Variants in SOX5 observed in about 807,000 individuals in gnomAD.
SOX5 encodes the protein SRY-box transcription factor 5.
A neutral mutation model predicts 92.0 loss-of-function variants in SOX5; 9 were observed. The ratio of observed to expected loss-of-function variants is 0.10; its 90% CI spans 0.06 to 0.17. The LOEUF (loss-of-function observed/expected upper bound fraction) is 0.17, where lower values mean the gene tolerates loss of function less well. Ranked by LOEUF, SOX5 falls within the 10% of genes least tolerant of loss-of-function variation. SOX5 has a pLI of 1.00. For missense variants in SOX5, 642 were observed against 944.5 expected (o/e 0.68, Z 4.20); for synonymous variants, 344 against 336.3 (o/e 1.02, Z -0.25).
In SOX5 at chr12:23,533,303, G is replaced by GTC. The variant is rs148266789; in HGVS notation, c.*914_*915dup. 1,063 of 363,796 alleles carry GTC rather than the reference G, an allele frequency of 2.9e-3. No individual in the cohort carries two copies. Among genetic ancestry groups the GTC allele is most frequent in the Non-Finnish European group, 4.1e-3 (702 of 172,472 alleles). 22.5% of individuals were successfully genotyped at this position (363,796 alleles called of 1,614,324 possible). A position where few individuals can be genotyped will look rare whatever the true frequency, so the allele number is the denominator to read the frequency against. On this transcript the variant is annotated 3_prime_UTR_variant, in exon 15 of 15. Transcript: ENST00000451604. The stretch of plus-strand genomic sequence containing the variant: ...AAATATTTTTCTCTAAATTTCTTAT[G>GTC]TCTCTCTCTCTCTCTCTCTTTTCAC...
intron 2 of SOX5, among the ~76,000 whole-genome samples, chr12:24,325,071 G>A (rs1388467665): frequency 1.3e-5 from 2 of 151,776 alleles, no homozygotes; most frequent in Non-Finnish European, 2.9e-5. Flanking sequence ...TCCAGGTCTA[G>A]CACAGACATA....
intron 9 of SOX5, among the ~76,000 whole-genome samples, chr12:23,585,169 A>G (rs1485741165): frequency 6.6e-6 from 1 of 152,198 alleles, no homozygotes; most frequent in East Asian, 1.9e-4. Flanking sequence ...ACTTGTGAAT[A>G]ACAGAATAGG....
chr12:24,412,486 T>C (rs1014507394), intron 1 of SOX5, among the ~76,000 whole-genome samples: 3 of 152,128 alleles, frequency 2.0e-5, no homozygotes, highest in African/African-American at 7.2e-5. Context: ...TCTATTTTTA[T>C]TGTCATTCAG....
intron 2 of SOX5, among the ~76,000 whole-genome samples, chr12:24,335,978 T>TC (rs1371501756): frequency 7.1e-6 from 1 of 140,212 alleles, no homozygotes; most frequent in African/African-American, 2.6e-5. Context: ...CTATCATATA[T>TC]ATATATATAT....
intron 4 of SOX5, among the ~76,000 whole-genome samples, chr12:24,000,468 A>C (rs567278560): frequency 6.6e-6 from 1 of 152,064 alleles, no homozygotes; most frequent in African/African-American, 2.4e-5. Context: ...TAAAAAAATT[A>C]GGTTAGTATC....
At chr12:23,748,318 T>G (rs1237927212) in intron 4 of SOX5, among the ~76,000 whole-genome samples, 3 of 152,032 alleles carry the variant, frequency 2.0e-5, no homozygotes, top group African/African-American at 7.2e-5. Flanking sequence ...ATAAATAAAC[T>G]TAAGAACAAA....
chr12:24,245,073 C>T (rs1311287922), intron 3 of SOX5, among the ~76,000 whole-genome samples: 1 of 152,076 alleles, frequency 6.6e-6, no homozygotes, highest in African/African-American at 2.4e-5. Context: ...GTGAAATCCT[C>T]CCATTAGAGG....
chr12:23,683,794 A>G lies in SOX5; in HGVS notation c.811-18230T>C, dbSNP rs897773488. ...CTGCTGACAGTTTTCTTAATCAATC[A>G]TCCTCTGCACTAACCCTAACACCCC... is the stretch of plus-strand genomic sequence containing the variant. On this transcript the variant is annotated intron_variant, in intron 6 of 14. Transcript: ENST00000451604. Among the ~76,000 whole-genome samples the G allele has an allele frequency of 3.3e-5, 5 of 152,044 alleles. No homozygotes were observed. The South Asian group carries it at 1.0e-3, about 31-fold the overall frequency.
chr12:23,748,186 G>A (rs4285971), intron 4 of SOX5, among the ~76,000 whole-genome samples: 149,374 of 152,050 alleles, frequency 0.98, 73,399 homozygotes, highest in East Asian at 1. Flanking sequence ...AAGCTTTATG[G>A]TAATAGGACA....
At chr12:23,548,539 A>G (rs1163778057) in intron 11 of SOX5, among the ~76,000 whole-genome samples, 5 of 152,056 alleles carry the variant, frequency 3.3e-5, no homozygotes. Flanking sequence ...CAGACATGAG[A>G]ACAGGCAAAA....
At chr12:24,412,780 CTTTTTTT>C (rs35640190) in intron 1 of SOX5, among the ~76,000 whole-genome samples, 9 of 132,444 alleles carry the variant, frequency 6.8e-5, no homozygotes, top group Admixed American at 6.3e-4. Context: ...ATTAGATTTT[CTTTTTTT>C]TTTTTTTTTT....
At chr12:23,543,473 T>C in intron 12 of SOX5, 89 bp from the exon 13 acceptor site, 1 of 989,526 alleles carries the variant, frequency 1.0e-6, no homozygotes, top group South Asian at 1.7e-5. Flanking sequence ...TATTAAGATA[T>C]CTGAAAAGAA....
In SOX5 at chr12:24,394,048, T is replaced by C. The variant is rs368335964; in HGVS notation, c.-250-25409A>G. ...ATTAATTAATTAGGGGAAAGGTGGC[T>C]GAAAGAAATCGGAAGAGACTGCCTG... On this transcript the variant is annotated intron_variant, in intron 1 of 4. Transcript: ENST00000446891. Among the ~76,000 whole-genome samples the C allele has an allele frequency of 2.0e-4, 31 of 152,264 alleles. No homozygotes were observed. In the South Asian group the frequency reaches 6.4e-3, roughly 32 times the overall value.
intron 6 of SOX5, among the ~76,000 whole-genome samples, chr12:23,709,724 G>T (rs1176061847): frequency 1.3e-5 from 2 of 152,110 alleles, no homozygotes; most frequent in Non-Finnish European, 2.9e-5. Flanking sequence ...TATGGTATGT[G>T]TTTGTGTTTC....
intron 4 of SOX5, among the ~76,000 whole-genome samples, chr12:24,110,624 G>A (rs1334239056): frequency 7.2e-5 from 11 of 152,072 alleles, no homozygotes; most frequent in Non-Finnish European, 1.6e-4. Flanking sequence ...GGTGGCTCAC[G>A]CCTGTAATCC....
chr12:24,313,587 C>T (rs1002273515), intron 2 of SOX5, among the ~76,000 whole-genome samples: 6 of 152,154 alleles, frequency 3.9e-5, no homozygotes, highest in African/African-American at 1.4e-4. Context: ...GGACTTTGTT[C>T]AAGGTCTTGG....
chr12:23,939,204 T>C (rs1469616478), intron 1 of SOX5, among the ~76,000 whole-genome samples: 1 of 151,128 alleles, frequency 6.6e-6, no homozygotes, highest in Non-Finnish European at 1.5e-5. Context: ...TGTAGGAACA[T>C]ATGCCAACTT....
At chr12:23,599,409 C>T (rs887725245) in intron 9 of SOX5, among the ~76,000 whole-genome samples, 3 of 152,154 alleles carry the variant, frequency 2.0e-5, no homozygotes, top group African/African-American at 7.2e-5. Flanking sequence ...TCGAAAAGAA[C>T]AAAAAATTGA....
chr12:23,923,370 T>C (rs903168191), intron 1 of SOX5, among the ~76,000 whole-genome samples: 4 of 152,168 alleles, frequency 2.6e-5, no homozygotes, highest in African/African-American at 9.6e-5. Context: ...TTAAAAGAAA[T>C]ATAGAATGAT....
Sources: allele counts gnomAD v4.1 joint callset (sites outside exome capture counted in the v4.1 genomes callset), GRCh38; gene constraint gnomAD v4.1.1; transcripts MANE v1.5; gene names NCBI Gene and HGNC (gene_info 2026-07-23, HGNC 2026-07-21).